ADGRV1: variants seen among roughly 807,000 people sequenced by gnomAD.
The protein encoded by ADGRV1 is adhesion G protein-coupled receptor V1.
A neutral mutation model predicts 596.2 loss-of-function variants in ADGRV1; 359 were observed. The observed-to-expected ratio is 0.60, with a 90% CI of 0.55 to 0.66. ADGRV1 has a LOEUF of 0.66. Ranked by LOEUF, ADGRV1 falls within the 30% of genes least tolerant of loss-of-function variation. The pLI is 0.00. For synonymous variants in ADGRV1, 2,681 were observed against 2,679.2 expected (o/e 1.00, Z -0.02); for missense variants, 7,274 against 7,575.6 (o/e 0.96, Z 1.48).
In ADGRV1 at chr5:90,789,847, T is replaced by C; in HGVS notation, c.14039T>C (p.Ile4680Thr). 1 of 1,393,764 alleles carries C rather than the reference T, an allele frequency of 7.2e-7. No individual in the cohort carries two copies. Among genetic ancestry groups the C allele is most frequent in the East Asian group, 2.5e-5 (1 of 39,232 alleles). 86.3% of individuals were successfully genotyped at this position (1,393,764 alleles called of 1,614,324 possible). ...AGAGTCAAGGGCACCTTTGGAGAGA[T>C]TATGGTATTACTTTTCATTTGATTT... ...VRRVKGTFGE[I>T]MVYWELSSEF... Residue 4680 changes from isoleucine to threonine, a missense_variant, in exon 69 of 90, where the codon ATT becomes ACT. Physicochemically the swap from Ile to Thr is moderately conservative, Grantham distance 89. This residue lies in a region of ADGRV1 where 1,874 missense variants were observed against 1,970.2 expected (regional missense o/e 0.95). Coordinates refer to ENST00000405460, the MANE Select transcript of ADGRV1 (RefSeq NM_032119.4).
At chr5:90,794,177 T>C (rs1346880472) in intron 70 of ADGRV1, among the ~76,000 whole-genome samples, 3 of 152,182 alleles carry the variant, frequency 2.0e-5, no homozygotes, top group African/African-American at 7.2e-5. Context: ...AGGGCCATGA[T>C]GTATCTAACC....
intron 65 of ADGRV1, among the ~76,000 whole-genome samples, chr5:90,782,680 C>A (rs1284499629): frequency 2.0e-5 from 3 of 152,086 alleles, no homozygotes; most frequent in African/African-American, 7.2e-5. Flanking sequence ...TTTAAAAATT[C>A]ATATGATATA....
Position 90,681,353 on chromosome 5 carries a change from G to T in ADGRV1, c.5563G>T (p.Ala1855Ser), listed in dbSNP as rs778092070. The T allele has an allele frequency of 6.2e-7, 1 of 1,613,680 alleles. No homozygotes were observed. The highest frequency in any genetic ancestry group is 8.5e-7 in the Non-Finnish European group (1 of 1,179,780). ...GVASQILVTI[A>S]ASDHAHGVFE... ...GGCTTCCCAAATTCTAGTGACAATT[G>T]CAGCCTCTGACCACGCTCATGGCGT... Residue 1855 changes from alanine (A) to serine (S), a missense_variant, in exon 27 of 90, where the codon GCA becomes TCA. By Grantham distance (99) the Ala-to-Ser change is moderately conservative. Around this residue, in one of 5 missense-constraint regions of ADGRV1, gnomAD observed 3,643 missense variants for 3,809.2 expected, o/e 0.96. Coordinates refer to ENST00000405460, the MANE Select transcript of ADGRV1 (RefSeq NM_032119.4).
In ADGRV1 at chr5:90,631,568, C is replaced by A. The variant is rs1023293490; in HGVS notation, c.1839+2029C>A. On this transcript the variant is annotated intron_variant, in intron 9 of 89. Transcript: ENST00000405460. ...ATTATTATTAATTTTTGTTTTCTTG[C>A]GTCTCCTCCAAGCGGGAAAATTTTC... Among the ~76,000 whole-genome samples the A allele has an allele frequency of 5.3e-5, 8 of 152,058 alleles. 1 individual carries two copies. Among genetic ancestry groups the A allele is most frequent in the Admixed American group, 4.6e-4 (7 of 15,274 alleles).
At chr5:90,919,700 G>GA (rs2150732671) in intron 83 of ADGRV1, among the ~76,000 whole-genome samples, 1 of 152,122 alleles carries the variant, frequency 6.6e-6, no homozygotes, top group Admixed American at 6.5e-5. Context: ...GAATAGAAAG[G>GA]AAAAATATTT....
At position 90,879,528 on chromosome 5, in the gene ADGRV1, G is replaced by A. The variant is rs1049745654; in HGVS notation, c.17856+15671G>A. 5.3e-5 allele frequency among the ~76,000 whole-genome samples: 8 copies of A among 152,116 alleles called. No homozygotes were observed. In the South Asian group the frequency reaches 1.5e-3, roughly 28 times the overall value. Reference sequence around the variant, plus strand: ...GGAATCATAGATTCCTGTTATCAAAGGAAGAATGACCTTTTCCCATTTCCT... The same window carrying A: ...GGAATCATAGATTCCTGTTATCAAAAGAAGAATGACCTTTTCCCATTTCCT... On this transcript the variant is annotated intron_variant, in intron 83 of 89. Transcript: ENST00000405460.
intron 1 of ADGRV1, among the ~76,000 whole-genome samples, chr5:90,583,853 C>T (rs970764513): frequency 2.6e-5 from 4 of 151,824 alleles, no homozygotes; most frequent in African/African-American, 4.8e-5. Context: ...AAAATGTGCA[C>T]GTTTCATTTG....
At chr5:90,779,836 CA>C (rs1758649096) in intron 64 of ADGRV1, 1 of 152,108 alleles carries the variant, frequency 6.6e-6, no homozygotes, top group African/African-American at 2.4e-5. Flanking sequence ...ATCATAAAGA[CA>C]TTTTTCTTGT....
At chr5:90,907,571 A>G (rs1339396316) in intron 83 of ADGRV1, among the ~76,000 whole-genome samples, 5 of 150,578 alleles carry the variant, frequency 3.3e-5, no homozygotes, top group African/African-American at 1.2e-4. Context: ...TTCCTTGTGG[A>G]TTCCGCAATC....
At chr5:91,159,899 G>T (rs907863371) in intron 89 of ADGRV1, among the ~76,000 whole-genome samples, 1 of 152,184 alleles carries the variant, frequency 6.6e-6, no homozygotes, top group African/African-American at 2.4e-5. Context: ...AACAAGGTGT[G>T]CCTTGAGTAC....
At chr5:91,158,866 TGG>T (rs1334589952) in intron 89 of ADGRV1, among the ~76,000 whole-genome samples, 1 of 151,048 alleles carries the variant, frequency 6.6e-6, no homozygotes, top group Non-Finnish European at 1.5e-5. Context: ...GATGGATGGA[TGG>T]ATGGATGGAT....
chr5:90,905,577 A>G (rs1364315148), intron 83 of ADGRV1, among the ~76,000 whole-genome samples: 2 of 152,022 alleles, frequency 1.3e-5, no homozygotes, highest in African/African-American at 2.4e-5. Context: ...TTGTATGATG[A>G]TTTTGTACCC....
In ADGRV1 at chr5:90,778,589, C is replaced by G; in HGVS notation, c.12829C>G (p.Arg4277Gly). The G allele has an allele frequency of 6.3e-7, 1 of 1,598,778 alleles. No homozygotes were observed. Among genetic ancestry groups the G allele is most frequent in the Non-Finnish European group, 8.5e-7 (1 of 1,171,350 alleles). The change falls in exon 63 of 90, where the codon CGA (arginine) becomes GGA (glycine). Residue 4277 changes from arginine (R) to glycine (G), a missense_variant. Physicochemically the swap from Arg to Gly is moderately radical, Grantham distance 125. Transcript: ENST00000405460. ...ATTTGCCTTTTCACATGAGCAACTT[C>G]GAGTGTCAGAAGCACAGAGGGTATA... is the stretch of plus-strand genomic sequence containing the variant. ...GRFAFSHEQL[R>G]VSEAQRVNIT... is the part of the protein sequence containing the mutation.
intron 85 of ADGRV1, among the ~76,000 whole-genome samples, chr5:91,022,916 A>C (rs2151192655): frequency 6.6e-6 from 1 of 152,278 alleles, no homozygotes; most frequent in African/African-American, 2.4e-5. Flanking sequence ...TCATATTTAA[A>C]GGAGACACAA....
intron 84 of ADGRV1, among the ~76,000 whole-genome samples, chr5:90,973,937 G>T (rs897113172): frequency 6.6e-6 from 1 of 152,194 alleles, no homozygotes; most frequent in African/African-American, 2.4e-5. Flanking sequence ...TGACATGATT[G>T]TCTATTTAGA....
intron 1 of ADGRV1, among the ~76,000 whole-genome samples, chr5:90,580,661 A>G (rs1330882846): frequency 6.6e-6 from 1 of 152,112 alleles, no homozygotes; most frequent in Non-Finnish European, 1.5e-5. Context: ...TGTTAGTCCG[A>G]TGGACTTCCC....
Position 90,724,889 on chromosome 5 carries a change from G to T in ADGRV1, c.9806G>T (p.Gly3269Val). The change falls in exon 46 of 90, where the codon GGC becomes GTC. Residue 3269 changes from glycine to valine, a missense_variant. Gly to Val is a moderately radical substitution (Grantham distance 109). This residue lies in a region of ADGRV1 where 3,643 missense variants were observed against 3,809.2 expected (regional missense o/e 0.96). Coordinates refer to ENST00000405460, the MANE Select transcript of ADGRV1 (RefSeq NM_032119.4). ...AGTTTTTTGGATGAATCAGCTTCTG[G>T]CTGGTGTTTCTTTACTTTGGAAAAT... ...FQSFLDESAS[G>V]WCFFTLENLI... 6.2e-7 allele frequency: 1 copy of T among 1,612,772 alleles called. No homozygotes were observed. Among genetic ancestry groups the T allele is most frequent in the South Asian group, 1.1e-5 (1 of 91,010 alleles).
rs116124654 is a variant in ADGRV1, at chr5:90,999,796, G to A, written c.18152+14274G>A. On this transcript the variant is annotated intron_variant, in intron 85 of 89. Transcript: ENST00000405460. ...GGAAAGAAAACAGTTCTTTATAGAG[G>A]AAGTTCTGTTGTAGATGTCTCTAAT... 8.4e-3 allele frequency among the ~76,000 whole-genome samples: 1,275 copies of A among 152,202 alleles called. 13 individuals carry two copies. The highest frequency in any genetic ancestry group is 0.029 in the African/African-American group (1,218 of 41,564).
At position 91,072,406 on chromosome 5, in the gene ADGRV1, G is replaced by A. The variant is rs765014178; in HGVS notation, c.18153-41G>A. The A allele has an allele frequency of 1.5e-5, 23 of 1,534,118 alleles. No individual in the cohort carries two copies. In the South Asian group the frequency reaches 1.9e-4, roughly 13 times the overall value. On this transcript the variant is annotated intron_variant, in intron 85 of 89. Coordinates refer to ENST00000405460, the MANE Select transcript of ADGRV1 (RefSeq NM_032119.4). Reference sequence around the variant, plus strand: ...ACATTCTGCATTTAGAAATATTTGCGCTGAAAGTGTCTGAGTTACTTCTTC... The same window carrying A: ...ACATTCTGCATTTAGAAATATTTGCACTGAAAGTGTCTGAGTTACTTCTTC...
Sources: gnomAD v4.1 joint callset for allele counts (sites outside exome capture counted in the v4.1 genomes callset) on GRCh38, gnomAD v4.1.1 for gene constraint, gnomAD v4.1.1 regional missense constraint, MANE v1.5 for transcripts, NCBI Gene and HGNC (gene_info 2026-07-23, HGNC 2026-07-21) for gene names.